RTL4: variants seen among roughly 807,000 people sequenced by gnomAD.
RTL4 encodes retrotransposon Gag-like protein 4.
In RTL4, 4 loss-of-function variants were observed where a neutral mutation model predicts 5.3. The observed-to-expected ratio is 0.75, with a 90% CI of 0.37 to 1.72. The LOEUF (loss-of-function observed/expected upper bound fraction) is 1.72, where lower values mean the gene tolerates loss of function less well. Among genes scored for constraint, RTL4 ranks in the 40% most tolerant of loss-of-function variants. The pLI, the probability that RTL4 is intolerant of heterozygous loss-of-function variation, is 0.04. For synonymous variants in RTL4, 98 were observed against 87.3 expected (o/e 1.12, Z -0.68); for missense variants, 260 against 227.1 (o/e 1.14, Z -0.93).
At chrX:112,180,382 T>C in the RTL4 span, among the ~76,000 whole-genome samples, 174 of 111,753 alleles carry the variant, frequency 1.6e-3, 1 homozygote, top group African/African-American at 5.3e-3. Context: ...AATGCTACAA[T>C]AAAAGGAGCA....
chrX:112,117,731 T>C, the RTL4 span, among the ~76,000 whole-genome samples: 1 of 111,757 alleles, frequency 8.9e-6, no homozygotes, highest in East Asian at 2.8e-4. Flanking sequence ...TAGTGGGTAA[T>C]AAAGTCAGGC....
chrX:112,344,651 T>C, the RTL4 span, among the ~76,000 whole-genome samples: 1 of 112,250 alleles, frequency 8.9e-6, no homozygotes, highest in African/African-American at 3.2e-5. Context: ...ATTTGACATG[T>C]GAGATTTGGG....
At chrX:112,370,894 A>G in the RTL4 span, among the ~76,000 whole-genome samples, 3 of 110,374 alleles carry the variant, frequency 2.7e-5, no homozygotes, top group Non-Finnish European at 5.7e-5. Context: ...GAGCTGAAGC[A>G]TTGCTCTGAG....
At chrX:112,288,666 T>C in the RTL4 span, among the ~76,000 whole-genome samples, 3 of 112,113 alleles carry the variant, frequency 2.7e-5, no homozygotes. Flanking sequence ...TCTCCTCATA[T>C]ATTTTGTTGG....
chrX:112,331,219 C>A, the RTL4 span, among the ~76,000 whole-genome samples: 167 of 105,446 alleles, frequency 1.6e-3, no homozygotes, highest in African/African-American at 5.5e-3. Flanking sequence ...AGTGAACAGG[C>A]AACCTACAAA....
the RTL4 span, among the ~76,000 whole-genome samples, chrX:112,389,212 T>C: frequency 9.1e-6 from 1 of 110,461 alleles, no homozygotes; most frequent in Non-Finnish European, 1.9e-5. Context: ...TTTGTGTGCA[T>C]AGTTTATTTC....
chrX:112,347,446 G>A, the RTL4 span, among the ~76,000 whole-genome samples: 4 of 111,384 alleles, frequency 3.6e-5, no homozygotes, highest in Non-Finnish European at 7.5e-5. Flanking sequence ...GGGGATAAGA[G>A]AACGTACGCA....
chrX:112,403,507 C>T, the RTL4 span, among the ~76,000 whole-genome samples: 1 of 111,609 alleles, frequency 9.0e-6, no homozygotes, highest in African/African-American at 3.3e-5. Flanking sequence ...TTGAGAAACC[C>T]ACTTAACCCC....
the RTL4 span, among the ~76,000 whole-genome samples, chrX:112,178,580 A>G: frequency 9.0e-6 from 1 of 111,705 alleles, no homozygotes; most frequent in Admixed American, 9.5e-5. Context: ...ATTATTCTAA[A>G]ATACATAGTT....
At chrX:112,309,708 T>C in the RTL4 span, among the ~76,000 whole-genome samples, 1 of 108,690 alleles carries the variant, frequency 9.2e-6, no homozygotes. Context: ...CTTGAACTCC[T>C]GACCTCAAGC....
At chrX:112,263,269 C>T in the RTL4 span, among the ~76,000 whole-genome samples, 1 of 109,466 alleles carries the variant, frequency 9.1e-6, no homozygotes, top group Non-Finnish European at 1.9e-5. Context: ...GTTCTGAGGC[C>T]CCAGGTTCAG....
the RTL4 span, among the ~76,000 whole-genome samples, chrX:112,246,804 T>C: frequency 9.0e-6 from 1 of 111,338 alleles, no homozygotes. Flanking sequence ...TCTGCATTGA[T>C]CACGCTGGGA....
At chrX:112,288,141 A>G in the RTL4 span, among the ~76,000 whole-genome samples, 1 of 112,135 alleles carries the variant, frequency 8.9e-6, no homozygotes, top group South Asian at 3.7e-4. Flanking sequence ...ACAGCCTGCT[A>G]TGGAGTTACG....
the RTL4 span, among the ~76,000 whole-genome samples, chrX:112,258,598 G>A: frequency 4.5e-5 from 5 of 110,471 alleles, no homozygotes; most frequent in Non-Finnish European, 7.6e-5. Flanking sequence ...GGGTTTTTTC[G>A]CGGACTTCTA....
At chrX:112,317,205 G>A in the RTL4 span, among the ~76,000 whole-genome samples, 1 of 111,431 alleles carries the variant, frequency 9.0e-6, no homozygotes, top group Non-Finnish European at 1.9e-5. Context: ...ACCGGGCATG[G>A]TGGCGTGCAC....
chrX:112,366,199 G>A, the RTL4 span, among the ~76,000 whole-genome samples: 1 of 111,083 alleles, frequency 9.0e-6, no homozygotes, highest in Non-Finnish European at 1.9e-5. Context: ...CTGCTCTGTG[G>A]GACCTTAAGT....
At chrX:112,282,782 G>T in the RTL4 span, among the ~76,000 whole-genome samples, 14 of 110,807 alleles carry the variant, frequency 1.3e-4, no homozygotes, top group African/African-American at 4.6e-4. Context: ...TTATTTTTTG[G>T]ATAGTTTATT....
chrX:112,372,753 G>A, the RTL4 span, among the ~76,000 whole-genome samples: 1 of 111,883 alleles, frequency 8.9e-6, no homozygotes, highest in East Asian at 2.8e-4. Flanking sequence ...TGTGAGTGAG[G>A]CTGAGCTCTT....
the RTL4 span, among the ~76,000 whole-genome samples, chrX:112,165,537 C>T: frequency 1.8e-5 from 2 of 111,487 alleles, no homozygotes; most frequent in South Asian, 7.6e-4. Flanking sequence ...GGGCCAAGAC[C>T]CATATGAAAT....
Sources: allele counts gnomAD v4.1 joint callset (sites outside exome capture counted in the v4.1 genomes callset), GRCh38; gene constraint gnomAD v4.1.1; transcripts MANE v1.5; gene names NCBI Gene and HGNC (gene_info 2026-07-23, HGNC 2026-07-21).